The following PRKN variants were observed in gnomAD, a reference collection of about 807,000 sequenced individuals.
The protein encoded by PRKN is parkin RBR E3 ubiquitin protein ligase.
Under a neutral mutation model 59.5 loss-of-function variants are expected in PRKN, and 56 were observed. The observed-to-expected ratio is 0.94, with a 90% CI of 0.76 to 1.18. The LOEUF (loss-of-function observed/expected upper bound fraction) is 1.18. Ranked by LOEUF, PRKN falls within the 50% of genes most tolerant of loss-of-function variation. The probability of loss-of-function intolerance (pLI) is 0.00; values close to 1 mark genes in which losing one functional copy is unlikely to be tolerated. For missense variants in PRKN, 657 were observed against 596.4 expected, an observed-to-expected ratio of 1.10 and a Z score of -1.06; for synonymous variants, 250 against 222.1, an observed-to-expected ratio of 1.13 and a Z score of -1.12.
intron 9 of PRKN, among the ~76,000 whole-genome samples, chr6:161,504,137 A>C (rs1010473522): frequency 6.6e-6 from 1 of 152,240 alleles, no homozygotes; most frequent in Non-Finnish European, 1.5e-5. Context: ...AAGCCATAAG[A>C]TATTCAATAA....
chr6:162,260,148 C>T (rs1413241556), intron 3 of PRKN, among the ~76,000 whole-genome samples: 3 of 152,090 alleles, frequency 2.0e-5, no homozygotes, highest in Admixed American at 1.3e-4. Flanking sequence ...GGATGGCAAC[C>T]CTGCAGCCCC....
intron 7 of PRKN, among the ~76,000 whole-genome samples, chr6:161,669,065 G>T (rs1784819888): frequency 6.6e-6 from 1 of 152,116 alleles, no homozygotes; most frequent in Admixed American, 6.6e-5. Flanking sequence ...TCATCAATGG[G>T]ATTAGTGCCC....
At chr6:161,404,105 T>G (rs1583024992) in intron 9 of PRKN, among the ~76,000 whole-genome samples, 2 of 152,092 alleles carry the variant, frequency 1.3e-5, no homozygotes, top group South Asian at 4.1e-4. Context: ...GGGTTTGCTG[T>G]TTCTCCTGTG....
chr6:162,202,551 A>G (rs1328441379), intron 3 of PRKN, among the ~76,000 whole-genome samples: 2 of 152,198 alleles, frequency 1.3e-5, no homozygotes, highest in African/African-American at 4.8e-5. Context: ...ACATGTTTAT[A>G]TTGATGTGAA....
At chr6:161,954,507 T>C (rs887515256) in intron 6 of PRKN, among the ~76,000 whole-genome samples, 7 of 152,188 alleles carry the variant, frequency 4.6e-5, no homozygotes, top group African/African-American at 1.7e-4. Context: ...CAAATAGCAT[T>C]AAAAATTCTG....
chr6:162,045,019 C>T (rs970013234), intron 5 of PRKN, among the ~76,000 whole-genome samples: 2 of 152,172 alleles, frequency 1.3e-5, no homozygotes, highest in South Asian at 2.1e-4. Context: ...CCCAATTTTT[C>T]CCAAACTATG....
At chr6:161,865,782 T>G (rs1166942648) in intron 6 of PRKN, among the ~76,000 whole-genome samples, 1 of 152,174 alleles carries the variant, frequency 6.6e-6, no homozygotes, top group Non-Finnish European at 1.5e-5. Context: ...AGTTTTTCCA[T>G]ATCAGCGATA....
chr6:162,238,616 T>C (rs1333315232), intron 3 of PRKN, among the ~76,000 whole-genome samples: 1 of 152,200 alleles, frequency 6.6e-6, no homozygotes, highest in Admixed American at 6.5e-5. Flanking sequence ...TGGCCTTCTA[T>C]GAGGCCAGAT....
chr6:161,874,804 GATATATAAAATGTATA>G (rs1321981244), intron 6 of PRKN, among the ~76,000 whole-genome samples: 11 of 12,216 alleles, frequency 9.0e-4, no homozygotes, highest in African/African-American at 1.3e-3. Context: ...AAATGTATAA[GATATATAAAATGTATA>G]ATATATAAAA....
chr6:162,179,873 T>G (rs942275875), intron 4 of PRKN, among the ~76,000 whole-genome samples: 3 of 151,466 alleles, frequency 2.0e-5, no homozygotes, highest in Non-Finnish European at 2.9e-5. Flanking sequence ...GTGTGAAACT[T>G]AAATATCTAT....
At position 161,460,911 on chromosome 6, in the gene PRKN, A is replaced by G. The variant is rs1583098808; in HGVS notation, c.1084-74034T>C. On this transcript the variant is annotated intron_variant, in intron 9 of 11. Transcript: ENST00000366898. This position sits in a 1 kb window ranked among gnomAD's most constrained non-coding sequence, Gnocchi z 5.0. Reference sequence around the variant, plus strand: ...ACTACAGGTACGCACCACCACGCCCAGCTAATTTTTCTTTCTTTTTTTTTT... The same window carrying G: ...ACTACAGGTACGCACCACCACGCCCGGCTAATTTTTCTTTCTTTTTTTTTT... Among the ~76,000 whole-genome samples, 3 of 150,880 alleles carry G rather than the reference A, an allele frequency of 2.0e-5. No individual in the cohort carries two copies. The highest frequency in any genetic ancestry group is 2.0e-4 in the Admixed American group (3 of 15,154).
chr6:161,904,128 C>A (rs942190718), intron 6 of PRKN, among the ~76,000 whole-genome samples: 8 of 151,990 alleles, frequency 5.3e-5, no homozygotes, highest in Middle Eastern at 3.4e-3. Flanking sequence ...ACCTTTGTGC[C>A]CAGGTTGTCT....
In PRKN at chr6:161,902,552, A is replaced by ATCTATTTT. The variant is rs1343265664; in HGVS notation, c.734+70749_734+70750insAAAATAGA. ...TATCTATCTATCTATCTATCTATTT[A>ATCTATTTT]TTTATTTATTTATTTTTTTTTTTTT... On this transcript the variant is annotated intron_variant, in intron 6 of 11. Transcript: ENST00000366898. Among the ~76,000 whole-genome samples, 56 of 121,078 alleles carry ATCTATTTT rather than the reference A, an allele frequency of 4.6e-4. 4 individuals are homozygous for ATCTATTTT. The highest frequency in any genetic ancestry group is 1.3e-3 in the East Asian group (5 of 3,938). 79.4% of individuals were successfully genotyped at this position (121,078 alleles called of 152,430 possible). A position where few individuals can be genotyped will look rare whatever the true frequency, so the allele number is the denominator to read the frequency against.
chr6:162,651,151 T>C (rs1028436194), intron 1 of PRKN, among the ~76,000 whole-genome samples: 8 of 152,160 alleles, frequency 5.3e-5, no homozygotes, highest in Non-Finnish European at 1.2e-4. Flanking sequence ...TTGTTTAAAC[T>C]GGAAAGAAAC....
intron 5 of PRKN, among the ~76,000 whole-genome samples, chr6:162,016,145 A>C (rs1462036794): frequency 1.4e-5 from 1 of 73,714 alleles, no homozygotes; most frequent in East Asian, 4.5e-4. Context: ...TCTTGTTTAA[A>C]ATAATAATAA....
intron 6 of PRKN, among the ~76,000 whole-genome samples, chr6:161,808,628 T>G (rs1400184818): frequency 6.6e-6 from 1 of 152,126 alleles, no homozygotes; most frequent in Non-Finnish European, 1.5e-5. Flanking sequence ...AATGAAAACT[T>G]AAAAAGAGAT....
In PRKN at chr6:161,701,229, G is replaced by T. The variant is rs556669497; in HGVS notation, c.871+84543C>A. On this transcript the variant is annotated intron_variant, in intron 7 of 11. Coordinates refer to ENST00000366898, the MANE Select transcript of PRKN (RefSeq NM_004562.3). ...AAGAGTTCTTCCTTGGGTTAAACAG[G>T]AGCATGCTCAGCCTGAAGCAGAGAT... Among the ~76,000 whole-genome samples, 309 of 152,230 alleles carry T rather than the reference G, an allele frequency of 2.0e-3. 1 individual carries two copies. Among genetic ancestry groups the T allele is most frequent in the Non-Finnish European group, 3.1e-3 (214 of 68,006 alleles).
At chr6:161,654,641 G>A (rs1445498532) in intron 7 of PRKN, among the ~76,000 whole-genome samples, 1 of 152,200 alleles carries the variant, frequency 6.6e-6, no homozygotes, top group Non-Finnish European at 1.5e-5. Context: ...AATTGCTTCG[G>A]ATGCAGACAA....
At chr6:162,710,725 T>C (rs1039843545) in intron 1 of PRKN, among the ~76,000 whole-genome samples, 3 of 152,046 alleles carry the variant, frequency 2.0e-5, no homozygotes, top group African/African-American at 7.2e-5. Context: ...CTGCCCACTA[T>C]AATAGCATCA....
Sources: gnomAD v4.1 joint callset for allele counts (sites outside exome capture counted in the v4.1 genomes callset) on GRCh38, gnomAD v4.1.1 for gene constraint, Gnocchi (gnomAD v3.1) non-coding constraint, MANE v1.5 for transcripts, NCBI Gene and HGNC (gene_info 2026-07-23, HGNC 2026-07-21) for gene names.